SAMD8: variants seen among roughly 807,000 people sequenced by gnomAD.
SAMD8 encodes sterile alpha motif domain containing 8.
Under a neutral mutation model 42.0 loss-of-function variants are expected in SAMD8, and 20 were observed. That is an observed-to-expected ratio of 0.48 (90% CI 0.34 to 0.69). The LOEUF (loss-of-function observed/expected upper bound fraction) is 0.69. SAMD8 is among the 30% of genes least tolerant of loss of function. The pLI is 0.01. For synonymous variants in SAMD8, 162 were observed against 173.0 expected (o/e 0.94, Z 0.50); for missense variants, 328 against 511.6 (o/e 0.64, Z 3.46).
intron 1 of SAMD8, chr10:75,105,614 G>A (rs1848443538): frequency 6.6e-7 from 1 of 1,508,782 alleles, no homozygotes; most frequent in Non-Finnish European, 9.0e-7. Flanking sequence ...GCCCTCACCT[G>A]GCCTCTTCCG....
At chr10:75,148,346 C>CTT (rs60024591) in intron 1 of SAMD8, among the ~76,000 whole-genome samples, 964 of 82,516 alleles carry the variant, frequency 0.012, 42 homozygotes, top group African/African-American at 0.018. Context: ...GCAATACCAG[C>CTT]TTTTTTTTTT....
chr10:75,175,619 G>A (rs1432212822), intron 4 of SAMD8, among the ~76,000 whole-genome samples: 1 of 151,940 alleles, frequency 6.6e-6, no homozygotes. Flanking sequence ...CGCGATCTCG[G>A]CTCCCTGCAA....
intron 1 of SAMD8, among the ~76,000 whole-genome samples, chr10:75,140,133 G>A (rs1429018173): frequency 6.6e-6 from 1 of 152,176 alleles, no homozygotes; most frequent in Non-Finnish European, 1.5e-5. Flanking sequence ...TCTATATTCT[G>A]TTTCCTTGAT....
intron 1 of SAMD8, among the ~76,000 whole-genome samples, chr10:75,137,524 A>C (rs1839917687): frequency 6.6e-6 from 1 of 151,316 alleles, no homozygotes; most frequent in South Asian, 2.1e-4. Context: ...TGGGTGACAG[A>C]GTGAGACTCC....
upstream of SAMD8, among the ~76,000 whole-genome samples, chr10:75,107,778 T>C (rs1334448113): frequency 6.6e-6 from 1 of 152,208 alleles, no homozygotes; most frequent in Non-Finnish European, 1.5e-5. Flanking sequence ...GGTTTCACCG[T>C]GTTGGCCAGG....
At chr10:75,108,062 A>G, upstream of SAMD8, 3 of 1,613,916 alleles carry the variant, frequency 1.9e-6, no homozygotes, top group Non-Finnish European at 2.5e-6. Flanking sequence ...TGTCAAAATC[A>G]GGGAGGTCGT....
intron 1 of SAMD8, among the ~76,000 whole-genome samples, chr10:75,127,820 G>A (rs1849179348): frequency 6.6e-6 from 1 of 152,144 alleles, no homozygotes; most frequent in East Asian, 1.9e-4. Context: ...ACTCAGAAAG[G>A]ATTAACTAGT....
intron 3 of SAMD8, among the ~76,000 whole-genome samples, chr10:75,165,529 G>A (rs923086549): frequency 6.6e-6 from 1 of 151,976 alleles, no homozygotes; most frequent in Non-Finnish European, 1.5e-5. Context: ...TATTAGCTGG[G>A]CATGGTGGCG....
At chr10:75,152,353 T>C (rs1019757733) in intron 2 of SAMD8, among the ~76,000 whole-genome samples, 1 of 148,412 alleles carries the variant, frequency 6.7e-6, no homozygotes, top group Non-Finnish European at 1.5e-5. Flanking sequence ...AAACCCCGTC[T>C]CTACTAAAAA....
At chr10:75,106,004 G>A in intron 1 of SAMD8, 2 of 767,500 alleles carry the variant, frequency 2.6e-6, no homozygotes, top group South Asian at 3.5e-5. Flanking sequence ...CAGCCTTTAT[G>A]GACCTCAGTT....
At chr10:75,126,272 A>G (rs1023096801) in intron 1 of SAMD8, among the ~76,000 whole-genome samples, 1 of 152,080 alleles carries the variant, frequency 6.6e-6, no homozygotes, top group African/African-American at 2.4e-5. Context: ...TAACTTTCCA[A>G]TTTTTAGCAA....
At chr10:75,174,034 C>A (rs1042932864) in intron 4 of SAMD8, among the ~76,000 whole-genome samples, 2 of 152,088 alleles carry the variant, frequency 1.3e-5, no homozygotes, top group African/African-American at 4.8e-5. Context: ...ATTTTAGCAC[C>A]TTTTTGTACC....
upstream of SAMD8, among the ~76,000 whole-genome samples, chr10:75,111,032 T>C (rs1469441258): frequency 1.3e-5 from 2 of 152,136 alleles, no homozygotes; most frequent in African/African-American, 2.4e-5. Flanking sequence ...GCCAGGCTGG[T>C]CTCGAACTCC....
chr10:75,173,333 G>C (rs1269418693), intron 4 of SAMD8, among the ~76,000 whole-genome samples: 2 of 152,312 alleles, frequency 1.3e-5, no homozygotes, highest in South Asian at 2.1e-4. Context: ...ATTCCTGGAA[G>C]TAAGGGGTTT....
At chr10:75,175,807 C>T in intron 4 of SAMD8, 1 of 882,654 alleles carries the variant, frequency 1.1e-6, no homozygotes, top group Non-Finnish European at 1.4e-6. Context: ...CCTCAGCCTC[C>T]CAAAGTGCTG....
chr10:75,111,248 C>T (rs1848759986), upstream of SAMD8, among the ~76,000 whole-genome samples: 4 of 152,242 alleles, frequency 2.6e-5, no homozygotes, highest in South Asian at 8.3e-4. Flanking sequence ...CAGAGGAATT[C>T]GGATTACCTC....
chr10:75,099,663 A>G (rs935059511), exon 1 of SAMD8: 2 of 709,354 alleles, frequency 2.8e-6, no homozygotes, highest in Non-Finnish European at 3.9e-6. Context: ...TCTGCTTGGT[A>G]TCTGTTTGGG....
upstream of SAMD8, among the ~76,000 whole-genome samples, chr10:75,110,165 C>G (rs1215420393): frequency 6.6e-6 from 1 of 152,156 alleles, no homozygotes; most frequent in African/African-American, 2.4e-5. Flanking sequence ...TGGCTAACTT[C>G]TCAGAAGAGA....
intron 1 of SAMD8, among the ~76,000 whole-genome samples, chr10:75,104,787 T>C (rs1239740958): frequency 6.6e-6 from 1 of 152,070 alleles, no homozygotes; most frequent in East Asian, 1.9e-4. Flanking sequence ...CTCCTCAAGA[T>C]GCTTATCCTC....
Sources: gnomAD v4.1 joint callset for allele counts (sites outside exome capture counted in the v4.1 genomes callset) on GRCh38, gnomAD v4.1.1 for gene constraint, MANE v1.5 for transcripts, NCBI Gene and HGNC (gene_info 2026-07-23, HGNC 2026-07-21) for gene names.